ARHGAP24: variants seen among roughly 807,000 people sequenced by gnomAD.
ARHGAP24 encodes the protein rho GTPase-activating protein 24.
In ARHGAP24, 50 loss-of-function variants were observed where a neutral mutation model predicts 76.4. That is an observed-to-expected ratio of 0.65 (90% CI 0.52 to 0.83). ARHGAP24 has a LOEUF of 0.83. ARHGAP24 is among the 40% of genes least tolerant of loss of function. The probability of loss-of-function intolerance (pLI) is 0.00; values close to 1 mark genes in which losing one functional copy is unlikely to be tolerated. For missense variants in ARHGAP24, 930 were observed against 914.2 expected, an observed-to-expected ratio of 1.02 and a Z score of -0.22; for synonymous variants, 345 against 323.3, an observed-to-expected ratio of 1.07 and a Z score of -0.72.
chr4:85,967,889 A>G (rs9994999), intron 5 of ARHGAP24, among the ~76,000 whole-genome samples: 1,559 of 152,252 alleles, frequency 0.01, 21 homozygotes, highest in African/African-American at 0.035. Flanking sequence ...ATGGTTCAGA[A>G]TGTTCCACCC....
chr4:85,745,791 T>A (rs2110063465), intron 3 of ARHGAP24, among the ~76,000 whole-genome samples: 2 of 152,234 alleles, frequency 1.3e-5, no homozygotes, highest in East Asian at 3.9e-4. Context: ...CTAAATAAAG[T>A]CCTGGAGAAG....
At chr4:85,855,206 A>G (rs1731484151) in intron 3 of ARHGAP24, among the ~76,000 whole-genome samples, 2 of 152,210 alleles carry the variant, frequency 1.3e-5, no homozygotes, top group South Asian at 2.1e-4. Flanking sequence ...CACTGTGTGT[A>G]CATTAGAAAG....
intron 2 of ARHGAP24, among the ~76,000 whole-genome samples, chr4:85,601,725 TTTAAA>T (rs1272596398): frequency 6.6e-6 from 1 of 152,034 alleles, no homozygotes; most frequent in Non-Finnish European, 1.5e-5. Flanking sequence ...ATTCAAATAT[TTTAAA>T]TTAATTAATT....
chr4:85,511,466 T>C (rs1724280314), intron 1 of ARHGAP24, among the ~76,000 whole-genome samples: 1 of 151,940 alleles, frequency 6.6e-6, no homozygotes, highest in Admixed American at 6.6e-5. Context: ...TTTTATTTTA[T>C]TATTTTATTT....
At chr4:85,655,814 G>GAA (rs1722138557) in intron 2 of ARHGAP24, among the ~76,000 whole-genome samples, 4 of 83,958 alleles carry the variant, frequency 4.8e-5, no homozygotes, top group African/African-American at 2.2e-4. Flanking sequence ...GAGAGAGAGA[G>GAA]AGAAAGAGAG....
chr4:85,482,909 G>A (rs758882577), intron 1 of ARHGAP24, among the ~76,000 whole-genome samples: 9 of 152,182 alleles, frequency 5.9e-5, no homozygotes, highest in Non-Finnish European at 8.8e-5. Flanking sequence ...CTCACTCCAA[G>A]AGAGCAACCT....
At chr4:85,710,038 A>T (rs1461175149) in intron 2 of ARHGAP24, among the ~76,000 whole-genome samples, 1 of 152,168 alleles carries the variant, frequency 6.6e-6, no homozygotes, top group Non-Finnish European at 1.5e-5. Context: ...TATGGAACTA[A>T]AAAAAGAGCC....
intron 3 of ARHGAP24, chr4:85,722,408 C>CA (rs1724986948): frequency 5.0e-6 from 1 of 199,708 alleles, no homozygotes; most frequent in Middle Eastern, 4.8e-4. Context: ...AAAAAACAAA[C>CA]AAACAAAAAA....
At chr4:85,826,660 T>G (rs1301860209) in intron 3 of ARHGAP24, among the ~76,000 whole-genome samples, 2 of 152,120 alleles carry the variant, frequency 1.3e-5, no homozygotes, top group Non-Finnish European at 2.9e-5. Flanking sequence ...GTACTGCACA[T>G]ATAGAAAGCA....
At chr4:85,840,497 C>T (rs1036473977) in intron 3 of ARHGAP24, among the ~76,000 whole-genome samples, 2 of 152,158 alleles carry the variant, frequency 1.3e-5, no homozygotes, top group Non-Finnish European at 2.9e-5. Flanking sequence ...ACTGGTCTGT[C>T]CCACTCTACA....
intron 3 of ARHGAP24, among the ~76,000 whole-genome samples, chr4:85,871,897 C>G (rs1182358319): frequency 6.6e-6 from 1 of 152,014 alleles, no homozygotes; most frequent in African/African-American, 2.4e-5. Flanking sequence ...TATTGGATGA[C>G]ATTAATATGC....
chr4:85,620,033 C>A (rs1446727020), intron 2 of ARHGAP24, among the ~76,000 whole-genome samples: 1 of 151,836 alleles, frequency 6.6e-6, no homozygotes, highest in African/African-American at 2.4e-5. Flanking sequence ...GATGTATGAT[C>A]TTTTTAATGT....
intron 2 of ARHGAP24, among the ~76,000 whole-genome samples, chr4:85,659,193 G>A (rs543593323): frequency 2.6e-5 from 4 of 152,244 alleles, no homozygotes; most frequent in South Asian, 2.1e-4. Flanking sequence ...ATTGTCTGAC[G>A]TTGCTGAAGT....
At chr4:85,894,965 AAAAAAAAAAAAAAAAAAAAAAAACAAAAC>A (rs1734063818) in intron 3 of ARHGAP24, among the ~76,000 whole-genome samples, 4 of 33,716 alleles carry the variant, frequency 1.2e-4, no homozygotes, top group Admixed American at 3.3e-4. Context: ...CCTCTCAAAA[AAAAAAAAAAAAAAAAAAAAAAAACAAAAC>A]AAAAAGCAAA....
At chr4:85,622,969 T>G (rs1405323908) in intron 2 of ARHGAP24, among the ~76,000 whole-genome samples, 3 of 152,082 alleles carry the variant, frequency 2.0e-5, no homozygotes, top group African/African-American at 7.2e-5. Context: ...GTAAATTTGT[T>G]TGAGTTCATT....
At chr4:85,545,473 C>T (rs6828388) in intron 1 of ARHGAP24, among the ~76,000 whole-genome samples, 18,330 of 152,150 alleles carry the variant, frequency 0.12, 3,114 homozygotes, top group African/African-American at 0.38. Context: ...AAGGACCTAG[C>T]GCATGAGCCT....
At chr4:85,599,160 G>A (rs2109986780) in intron 2 of ARHGAP24, among the ~76,000 whole-genome samples, 1 of 152,214 alleles carries the variant, frequency 6.6e-6, no homozygotes, top group South Asian at 2.1e-4. Flanking sequence ...CAGTGAGGGA[G>A]AGGAGGGATT....
At chr4:85,838,047 A>T (rs1387361984) in intron 3 of ARHGAP24, among the ~76,000 whole-genome samples, 1 of 152,160 alleles carries the variant, frequency 6.6e-6, no homozygotes, top group Non-Finnish European at 1.5e-5. Flanking sequence ...TCTGGAAAAA[A>T]TAGCGAACGT....
chr4:85,564,406 G>T (rs998875010), intron 1 of ARHGAP24, among the ~76,000 whole-genome samples: 1 of 143,252 alleles, frequency 7.0e-6, no homozygotes, highest in South Asian at 2.1e-4. Flanking sequence ...GGTGGGGGGA[G>T]CGGGGGGGAT....
Sources: gnomAD v4.1 joint callset for allele counts (sites outside exome capture counted in the v4.1 genomes callset) on GRCh38, gnomAD v4.1.1 for gene constraint, MANE v1.5 for transcripts, NCBI Gene and HGNC (gene_info 2026-07-23, HGNC 2026-07-21) for gene names.